Variants in XKR4 observed in about 807,000 individuals in gnomAD.
The protein encoded by XKR4 is XK-related protein 4.
A neutral mutation model predicts 53.9 loss-of-function variants in XKR4; 12 were observed. The observed-to-expected ratio is 0.22, with a 90% CI of 0.14 to 0.36. XKR4 has a LOEUF of 0.36. XKR4 is among the 10% of genes least tolerant of loss of function. The probability of loss-of-function intolerance (pLI) is 1.00; values close to 1 mark genes in which losing one functional copy is unlikely to be tolerated. For missense variants in XKR4, 799 were observed against 859.5 expected (o/e 0.93, Z 0.88); for synonymous variants, 354 against 362.4 (o/e 0.98, Z 0.26).
intron 1 of XKR4, among the ~76,000 whole-genome samples, chr8:55,209,743 A>G (rs4481572): frequency 0.79 from 119,885 of 152,122 alleles, 49,370 homozygotes; most frequent in Non-Finnish European, 0.92. Flanking sequence ...CAGGAGGCCC[A>G]TCCTCTTCTT....
intron 2 of XKR4, chr8:55,452,752 C>T (rs747056581): frequency 2.1e-5 from 18 of 863,476 alleles, no homozygotes; most frequent in East Asian, 1.2e-4. Flanking sequence ...TCCTCAAAGC[C>T]GCTCCCCGTG....
At chr8:55,346,734 GC>G (rs200634817) in intron 1 of XKR4, among the ~76,000 whole-genome samples, 9,950 of 107,628 alleles carry the variant, frequency 0.092, 479 homozygotes, top group Non-Finnish European at 0.12. Flanking sequence ...TGTTTAGAAA[GC>G]TTTGTAGCCA....
intron 1 of XKR4, among the ~76,000 whole-genome samples, chr8:55,259,280 T>A (rs1818483266): frequency 6.6e-6 from 1 of 152,216 alleles, no homozygotes; most frequent in Non-Finnish European, 1.5e-5. Flanking sequence ...TCCGTGTTTG[T>A]GAAATGGTGG....
At chr8:55,230,650 G>A (rs1818023190) in intron 1 of XKR4, among the ~76,000 whole-genome samples, 1 of 152,152 alleles carries the variant, frequency 6.6e-6, no homozygotes, top group South Asian at 2.1e-4. Flanking sequence ...TTATAGGCAT[G>A]AGCCACCGTG....
intron 1 of XKR4, among the ~76,000 whole-genome samples, chr8:55,205,957 G>A (rs944253723): frequency 5.9e-5 from 9 of 152,022 alleles, no homozygotes; most frequent in South Asian, 2.1e-4. Flanking sequence ...TCGTGGTCTC[G>A]CTGACTTCAG....
intron 2 of XKR4, among the ~76,000 whole-genome samples, chr8:55,384,272 G>T (rs1445743615): frequency 6.6e-6 from 1 of 152,210 alleles, no homozygotes; most frequent in African/African-American, 2.4e-5. Flanking sequence ...GCAGGAAAAG[G>T]CATGAGCAAA....
intron 1 of XKR4, among the ~76,000 whole-genome samples, chr8:55,244,693 C>G (rs1818258695): frequency 6.6e-6 from 1 of 152,106 alleles, no homozygotes; most frequent in African/African-American, 2.4e-5. Context: ...AGTGTATAAG[C>G]ATTCCCTTTT....
chr8:55,319,339 G>T (rs1036544075), intron 1 of XKR4, among the ~76,000 whole-genome samples: 1 of 152,114 alleles, frequency 6.6e-6, no homozygotes, highest in Non-Finnish European at 1.5e-5. Flanking sequence ...CTACAGAAAT[G>T]CAAAAGCATT....
At chr8:55,201,001 G>A (rs1194466053) in intron 1 of XKR4, among the ~76,000 whole-genome samples, 1 of 152,038 alleles carries the variant, frequency 6.6e-6, no homozygotes. Context: ...TATTTGAGAA[G>A]CATTTCCTGC....
intron 2 of XKR4, among the ~76,000 whole-genome samples, chr8:55,503,504 T>C (rs1252769470): frequency 6.6e-6 from 1 of 152,178 alleles, no homozygotes. Context: ...TGCAAATATA[T>C]TCATGTTGTC....
intron 1 of XKR4, among the ~76,000 whole-genome samples, chr8:55,226,385 T>C (rs147774623): frequency 5.4e-4 from 83 of 152,314 alleles, no homozygotes; most frequent in Middle Eastern, 3.4e-3. Flanking sequence ...AACTTTGCTA[T>C]GCGTGAAGTT....
rs1362412422 is a variant in XKR4, at chr8:55,373,177, G to GT, written c.1006+15308dup. ...CTCGAAAACTACAAAAACTTTTGGG[G>GT]TTTTTTTTAGATGGAGACTCACCCT... On this transcript the variant is annotated intron_variant, in intron 2 of 2. Coordinates refer to ENST00000327381, the MANE Select transcript of XKR4 (RefSeq NM_052898.2). Among the ~76,000 whole-genome samples the GT allele has an allele frequency of 2.6e-5, 4 of 151,876 alleles. No individual in the cohort carries two copies. In the East Asian group the frequency reaches 5.8e-4, roughly 22 times the overall value.
At chr8:55,282,638 C>A (rs546042723) in intron 1 of XKR4, among the ~76,000 whole-genome samples, 136 of 152,308 alleles carry the variant, frequency 8.9e-4, no homozygotes, top group African/African-American at 3.1e-3. Context: ...CATGAGGGAT[C>A]TGCCCCCATG....
chr8:55,373,518 G>C (rs1223216425), intron 2 of XKR4, among the ~76,000 whole-genome samples: 1 of 151,792 alleles, frequency 6.6e-6, no homozygotes, highest in Non-Finnish European at 1.5e-5. Flanking sequence ...TCAAATGCTT[G>C]GGCAATTTGA....
chr8:55,300,515 A>G (rs1819176824), intron 1 of XKR4, among the ~76,000 whole-genome samples: 1 of 152,118 alleles, frequency 6.6e-6, no homozygotes, highest in East Asian at 1.9e-4. Context: ...TCTAAGCCTC[A>G]GATGCATTGT....
chr8:55,288,835 C>G (rs899872376), intron 1 of XKR4, among the ~76,000 whole-genome samples: 3 of 152,156 alleles, frequency 2.0e-5, no homozygotes, highest in Admixed American at 6.5e-5. Flanking sequence ...CATTCTTACC[C>G]CCAGTTTGAA....
At chr8:55,432,519 G>A (rs941694751) in intron 2 of XKR4, among the ~76,000 whole-genome samples, 3 of 152,142 alleles carry the variant, frequency 2.0e-5, no homozygotes, top group African/African-American at 7.2e-5. Flanking sequence ...GACAGATAGT[G>A]AGAGCAAGGC....
chr8:55,434,240 T>C (rs1805143021), intron 2 of XKR4, among the ~76,000 whole-genome samples: 1 of 152,256 alleles, frequency 6.6e-6, no homozygotes. Flanking sequence ...TCTCTAAAAC[T>C]TGTAACCTAA....
intron 1 of XKR4, among the ~76,000 whole-genome samples, chr8:55,220,654 A>G (rs1216782967): frequency 3.3e-5 from 5 of 152,098 alleles, no homozygotes; most frequent in Non-Finnish European, 7.3e-5. Flanking sequence ...TGAACTGCAC[A>G]CATTTTTGCT....
Sources: gnomAD v4.1 joint callset for allele counts (sites outside exome capture counted in the v4.1 genomes callset) on GRCh38, gnomAD v4.1.1 for gene constraint, MANE v1.5 for transcripts, NCBI Gene and HGNC (gene_info 2026-07-23, HGNC 2026-07-21) for gene names.